Variants in EPS8 observed in about 807,000 individuals in gnomAD.
The protein encoded by EPS8 is EGFR pathway substrate 8, signaling adaptor.
A neutral mutation model predicts 103.8 loss-of-function variants in EPS8; 42 were observed. The ratio of observed to expected loss-of-function variants is 0.40; its 90% CI spans 0.32 to 0.52. The LOEUF is 0.52. Among genes scored for constraint, EPS8 ranks in the 20% least tolerant of loss-of-function variants. The probability of loss-of-function intolerance (pLI) is 0.40; values close to 1 mark genes in which losing one functional copy is unlikely to be tolerated. For missense variants in EPS8, 969 were observed against 1,005.1 expected (o/e 0.96, Z 0.49); for synonymous variants, 344 against 344.6 (o/e 1.00, Z 0.02).
chr12:15,674,494 T>C (rs927689390), intron 3 of EPS8, among the ~76,000 whole-genome samples: 12 of 152,178 alleles, frequency 7.9e-5, no homozygotes, highest in Non-Finnish European at 1.6e-4. Flanking sequence ...TGAGGAGCAC[T>C]GAGTGATAAT....
intron 1 of EPS8, among the ~76,000 whole-genome samples, chr12:15,770,083 CAG>C (rs1947137426): frequency 6.6e-6 from 1 of 151,652 alleles, no homozygotes; most frequent in South Asian, 2.1e-4. Context: ...GCTGGGACTA[CAG>C]GCACATGCCA....
chr12:15,730,966 A>G (rs1946709233), intron 1 of EPS8, among the ~76,000 whole-genome samples: 1 of 152,238 alleles, frequency 6.6e-6, no homozygotes, highest in African/African-American at 2.4e-5. Flanking sequence ...GGTCTATTAG[A>G]TGTTAAATAC....
chr12:15,685,695 C>T (rs1946084330), intron 1 of EPS8, among the ~76,000 whole-genome samples: 1 of 152,146 alleles, frequency 6.6e-6, no homozygotes, highest in African/African-American at 2.4e-5. Flanking sequence ...CACGGCGGCT[C>T]ATGTGGCAAA....
In EPS8 at chr12:15,698,205, G is replaced by A. The variant is rs769652171; in HGVS notation, c.-21-15233C>T. 5.3e-5 allele frequency among the ~76,000 whole-genome samples: 8 copies of A among 152,136 alleles called. No homozygotes were observed. The highest frequency in any genetic ancestry group is 7.4e-5 in the Non-Finnish European group (5 of 68,020). ...AAATATTTTATAAAAAATTATGCCTGTGAATATTTTATTACTTGGCCAAAT... is the reference window on the plus strand; with the variant it reads ...AAATATTTTATAAAAAATTATGCCTATGAATATTTTATTACTTGGCCAAAT... On this transcript the variant is annotated intron_variant, in intron 1 of 20. Coordinates refer to ENST00000281172, the MANE Select transcript of EPS8 (RefSeq NM_004447.6). The surrounding 1 kb of genome is among the most constrained non-coding windows in gnomAD (Gnocchi z 4.9).
rs1303531045 is a variant in EPS8, at chr12:15,701,089, T to C, written c.-21-18117A>G. On this transcript the variant is annotated intron_variant, in intron 1 of 20. Transcript: ENST00000281172. This position sits in a 1 kb window ranked among gnomAD's most constrained non-coding sequence, Gnocchi z 5.1. The stretch of plus-strand genomic sequence containing the variant: ...ACCTTATGACTTCAATCTGCTAAAT[T>C]AACTAATATCTTTGGCTTCAAAATA... 6.6e-6 allele frequency among the ~76,000 whole-genome samples: 1 copy of C among 152,212 alleles called. No homozygotes were observed. Among genetic ancestry groups the C allele is most frequent in the African/African-American group, 2.4e-5 (1 of 41,456 alleles).
At chr12:15,744,150 C>T (rs147776082) in intron 1 of EPS8, among the ~76,000 whole-genome samples, 4,068 of 152,258 alleles carry the variant, frequency 0.027, 177 homozygotes, top group African/African-American at 0.093. Flanking sequence ...AGCCAACAGA[C>T]ACATGAAAAA....
chr12:15,668,877 T>TA (rs1253947741), intron 6 of EPS8, among the ~76,000 whole-genome samples: 3 of 152,142 alleles, frequency 2.0e-5, no homozygotes, highest in Non-Finnish European at 4.4e-5. Context: ...ATCTACACTT[T>TA]AAAAAAATAA....
intron 8 of EPS8, chr12:15,662,325 T>A (rs1945620317): frequency 2.3e-6 from 3 of 1,280,750 alleles, no homozygotes; most frequent in Non-Finnish European, 3.0e-6. Context: ...AACTTTATGA[T>A]GTTAATTTAC....
chr12:15,746,294 A>C (rs889436780), intron 1 of EPS8, among the ~76,000 whole-genome samples: 3 of 152,090 alleles, frequency 2.0e-5, no homozygotes, highest in African/African-American at 7.2e-5. Flanking sequence ...TATCAGCCCC[A>C]TATTGCTATC....
intron 13 of EPS8, among the ~76,000 whole-genome samples, chr12:15,653,453 A>G (rs1945450430): frequency 6.6e-6 from 1 of 152,066 alleles, no homozygotes; most frequent in African/African-American, 2.4e-5. Flanking sequence ...CCCTTCCACA[A>G]TGATCTGCTA....
intron 1 of EPS8, among the ~76,000 whole-genome samples, chr12:15,775,304 G>T (rs1271648406): frequency 6.6e-6 from 1 of 151,958 alleles, no homozygotes; most frequent in Non-Finnish European, 1.5e-5. Flanking sequence ...CCAAAAGCTT[G>T]CAGGAAAAAA....
chr12:15,664,646 G>A (rs1280901954), intron 8 of EPS8, among the ~76,000 whole-genome samples: 2 of 152,264 alleles, frequency 1.3e-5, no homozygotes, highest in South Asian at 2.1e-4. Flanking sequence ...AGTAGAGTCC[G>A]AGGTGACTCA....
chr12:15,721,264 A>G lies in EPS8; in HGVS notation c.-21-38292T>C, dbSNP rs1946591928. On this transcript the variant is annotated intron_variant, in intron 1 of 20. Transcript: ENST00000281172. The surrounding 1 kb of genome is among the most constrained non-coding windows in gnomAD (Gnocchi z 4.4). ...CTGTAGGAAACCCACCCATGTCTGT[A>G]ATATACAGTCATATGCCATTCCCCA... 6.6e-6 allele frequency among the ~76,000 whole-genome samples: 1 copy of G among 152,226 alleles called. No individual in the cohort carries two copies. Among genetic ancestry groups the G allele is most frequent in the Non-Finnish European group, 1.5e-5 (1 of 68,046 alleles).
At chr12:15,739,236 A>G (rs558481411) in intron 1 of EPS8, among the ~76,000 whole-genome samples, 7 of 152,356 alleles carry the variant, frequency 4.6e-5, no homozygotes, top group Admixed American at 1.3e-4. Context: ...CATAGGGCAG[A>G]GGCAAGATTT....
At chr12:15,726,076 T>G (rs1946649723) in intron 1 of EPS8, among the ~76,000 whole-genome samples, 2 of 152,146 alleles carry the variant, frequency 1.3e-5, no homozygotes, top group South Asian at 4.1e-4. Context: ...GAAAATTGAA[T>G]AGACAGAAAG....
intron 1 of EPS8, among the ~76,000 whole-genome samples, chr12:15,786,665 TCTA>T (rs1475941394): frequency 3.9e-5 from 6 of 152,064 alleles, no homozygotes; most frequent in African/African-American, 7.2e-5. Flanking sequence ...AGAAATAAGG[TCTA>T]TTTTTTTAAA....
Position 15,698,882 on chromosome 12 carries a change from T to G in EPS8, c.-21-15910A>C, listed in dbSNP as rs1348182407. Among the ~76,000 whole-genome samples, 1 of 152,228 alleles carries G rather than the reference T, an allele frequency of 6.6e-6. No individual in the cohort carries two copies. The highest frequency in any genetic ancestry group is 1.5e-5 in the Non-Finnish European group (1 of 68,042). On this transcript the variant is annotated intron_variant, in intron 1 of 20. Transcript: ENST00000281172. The surrounding 1 kb of genome is among the most constrained non-coding windows in gnomAD (Gnocchi z 4.9). ...AAATAGAATAAAACAATGTAGCATA[T>G]TCTTGTAATTGTTGTATATGTCAAG...
At chr12:15,648,955 T>G (rs983955730) in intron 14 of EPS8, among the ~76,000 whole-genome samples, 9 of 152,220 alleles carry the variant, frequency 5.9e-5, no homozygotes, top group African/African-American at 2.2e-4. Context: ...ATAGTAGCAA[T>G]AAAGTATAAT....
intron 18 of EPS8, 39 bp from the exon 19 acceptor site, chr12:15,624,446 CTAA>C (rs1944911883): frequency 2.1e-6 from 3 of 1,456,054 alleles, no homozygotes; most frequent in Non-Finnish European, 2.8e-6. Flanking sequence ...TTGAAAATCC[CTAA>C]TATTACATCA....
Sources: allele counts gnomAD v4.1 joint callset (sites outside exome capture counted in the v4.1 genomes callset), GRCh38; gene constraint gnomAD v4.1.1; non-coding constraint Gnocchi (gnomAD v3.1); transcripts MANE v1.5; gene names NCBI Gene and HGNC (gene_info 2026-07-23, HGNC 2026-07-21).